RAP1GDS1: variants seen among roughly 807,000 people sequenced by gnomAD.
RAP1GDS1 encodes Rap1 GTPase-GDP dissociation stimulator 1.
RAP1GDS1 carries 35 observed loss-of-function variants against 71.1 expected under a neutral mutation model. That is an observed-to-expected ratio of 0.49 (90% CI 0.38 to 0.65). The LOEUF is 0.65. RAP1GDS1 is among the 30% of genes least tolerant of loss of function. The pLI is 0.00. For synonymous variants in RAP1GDS1, 229 were observed against 243.1 expected (o/e 0.94, Z 0.54); for missense variants, 663 against 706.1 (o/e 0.94, Z 0.69).
intron 2 of RAP1GDS1, among the ~76,000 whole-genome samples, chr4:98,298,689 C>T (rs12501974): frequency 0.066 from 10,061 of 152,174 alleles, 373 homozygotes; most frequent in Admixed American, 0.13. Flanking sequence ...AGAGCTCTGA[C>T]GTACATGGAG....
intron 2 of RAP1GDS1, among the ~76,000 whole-genome samples, chr4:98,303,935 T>C (rs541741222): frequency 3.3e-5 from 5 of 152,280 alleles, no homozygotes; most frequent in East Asian, 1.9e-4. Flanking sequence ...CTCCCACTTA[T>C]AAGTAAGAAC....
chr4:98,349,453 CTT>C (rs1198251015), intron 3 of RAP1GDS1, among the ~76,000 whole-genome samples: 2 of 152,070 alleles, frequency 1.3e-5, no homozygotes, highest in African/African-American at 4.8e-5. Flanking sequence ...AATGTGGGCT[CTT>C]TTTTGGTTCC....
chr4:98,335,348 G>A (rs1200847990), intron 2 of RAP1GDS1, among the ~76,000 whole-genome samples: 1 of 152,112 alleles, frequency 6.6e-6, no homozygotes, highest in Non-Finnish European at 1.5e-5. Context: ...CCTCACTGAG[G>A]TTGTAAGTTT....
chr4:98,343,913 TAAG>T (rs1735867387), intron 3 of RAP1GDS1, among the ~76,000 whole-genome samples: 1 of 152,210 alleles, frequency 6.6e-6, no homozygotes, highest in Admixed American at 6.5e-5. Context: ...TTTAAGCATA[TAAG>T]AAGGCCGTAC....
At chr4:98,347,400 G>A (rs1374367472) in intron 3 of RAP1GDS1, among the ~76,000 whole-genome samples, 2 of 152,060 alleles carry the variant, frequency 1.3e-5, no homozygotes, top group Admixed American at 6.6e-5. Flanking sequence ...TACAGTCAAA[G>A]GGAAAAACAT....
chr4:98,409,344 A>G (rs1319060249), intron 7 of RAP1GDS1: 1 of 152,874 alleles, frequency 6.5e-6, no homozygotes, highest in Non-Finnish European at 1.5e-5. Flanking sequence ...TAGGCCTTTT[A>G]GAAAATACGG....
chr4:98,415,177 A>G (rs947430975), intron 7 of RAP1GDS1, among the ~76,000 whole-genome samples: 4 of 152,174 alleles, frequency 2.6e-5, no homozygotes, highest in African/African-American at 9.7e-5. Context: ...ATATGGCTCT[A>G]TTCTGCCTGA....
chr4:98,352,369 C>T lies in RAP1GDS1; in HGVS notation c.236-107C>T, dbSNP rs1213586327. On this transcript the variant is annotated intron_variant, in intron 3 of 14. Coordinates refer to ENST00000408927, the MANE Select transcript of RAP1GDS1 (RefSeq NM_001100427.2). ...ATATTCAGCCACCTTTTCAAGGTGGCTTTTAAATACCACATATTAAAAGTA... is the reference window on the plus strand; with the variant it reads ...ATATTCAGCCACCTTTTCAAGGTGGTTTTTAAATACCACATATTAAAAGTA... 5 of 1,248,222 alleles carry T rather than the reference C, an allele frequency of 4.0e-6. No individual in the cohort carries two copies. In the African/African-American group the frequency reaches 6.1e-5, roughly 15 times the overall value. The allele number at this position is 1,248,222 out of a possible 1,614,324, so 77.3% of individuals were successfully genotyped here. A position where few individuals can be genotyped will look rare whatever the true frequency, so the allele number is the denominator to read the frequency against.
chr4:98,340,869 T>C (rs1156376639), intron 2 of RAP1GDS1, among the ~76,000 whole-genome samples: 1 of 152,024 alleles, frequency 6.6e-6, no homozygotes, highest in Non-Finnish European at 1.5e-5. Context: ...TGGGACCTAC[T>C]TGAGGAGGGA....
intron 2 of RAP1GDS1, among the ~76,000 whole-genome samples, chr4:98,303,045 C>T (rs1352970075): frequency 7.1e-6 from 1 of 141,200 alleles, no homozygotes; most frequent in African/African-American, 2.6e-5. Context: ...GACTCAGTCT[C>T]AAATAAAAAA....
At chr4:98,338,228 C>T (rs1734977661) in intron 2 of RAP1GDS1, among the ~76,000 whole-genome samples, 1 of 152,146 alleles carries the variant, frequency 6.6e-6, no homozygotes, top group Non-Finnish European at 1.5e-5. Context: ...TCTAGGGCTT[C>T]TGGCTTAAAT....
chr4:98,275,183 A>T (rs1309630695), intron 1 of RAP1GDS1, among the ~76,000 whole-genome samples: 2 of 152,162 alleles, frequency 1.3e-5, no homozygotes, highest in Admixed American at 1.3e-4. Flanking sequence ...GTATAGTACA[A>T]TGGTTTGCCA....
At chr4:98,399,228 A>G (rs1432098900) in intron 6 of RAP1GDS1, among the ~76,000 whole-genome samples, 1 of 152,240 alleles carries the variant, frequency 6.6e-6, no homozygotes, top group Non-Finnish European at 1.5e-5. Flanking sequence ...GGATCATATC[A>G]AATGAAAAAG....
chr4:98,331,163 G>A (rs1310356416), intron 2 of RAP1GDS1, among the ~76,000 whole-genome samples: 1 of 152,232 alleles, frequency 6.6e-6, no homozygotes, highest in Non-Finnish European at 1.5e-5. Flanking sequence ...AGGCGTGGCG[G>A]CATGTGCCTG....
rs936517948 is a variant in RAP1GDS1 at position 98,389,310 on chromosome 4, T to TC, written c.509-2642_509-2641insC. Reference sequence around the variant, plus strand: ...GTTTCTGTAAAAGTGTGTTTTTTTTTTCTCTCTCTCTCCTCCTCTGGACCT... The same window carrying TC: ...GTTTCTGTAAAAGTGTGTTTTTTTTTCTCTCTCTCTCTCCTCCTCTGGACCT... On this transcript the variant is annotated intron_variant, in intron 5 of 14. Coordinates refer to ENST00000408927, the MANE Select transcript of RAP1GDS1 (RefSeq NM_001100427.2). Among the ~76,000 whole-genome samples the TC allele has an allele frequency of 9.0e-5, 13 of 144,742 alleles. No homozygotes were observed. In the South Asian group the frequency reaches 1.5e-3, roughly 17 times the overall value. The allele number at this position is 144,742 out of a possible 152,430, so 95.0% of individuals were successfully genotyped here. A position where few individuals can be genotyped will look rare whatever the true frequency, so the allele number is the denominator to read the frequency against.
chr4:98,285,293 G>T (rs1043906580), intron 1 of RAP1GDS1, among the ~76,000 whole-genome samples: 2 of 152,018 alleles, frequency 1.3e-5, no homozygotes, highest in Non-Finnish European at 2.9e-5. Context: ...TTCTTTACTT[G>T]TTCTTTATTC....
intron 2 of RAP1GDS1, among the ~76,000 whole-genome samples, chr4:98,308,805 A>G (rs886682840): frequency 6.6e-6 from 1 of 152,152 alleles, no homozygotes; most frequent in Non-Finnish European, 1.5e-5. Context: ...ATGAATGTGT[A>G]TATCTTAGAA....
Position 98,295,689 on chromosome 4 carries a change from T to G in RAP1GDS1, c.112+2174T>G, listed in dbSNP as rs1393510440. Among the ~76,000 whole-genome samples the G allele has an allele frequency of 2.6e-5, 4 of 152,264 alleles. 1 individual carries two copies. In the South Asian group the frequency reaches 8.3e-4, roughly 32 times the overall value. On this transcript the variant is annotated intron_variant, in intron 2 of 14. Coordinates refer to ENST00000408927, the MANE Select transcript of RAP1GDS1 (RefSeq NM_001100427.2). ...ATCTGAATAAAGTGAAGCTTTTTGC[T>G]GAGTTCATGTAATGTGAAATCATTC...
intron 4 of RAP1GDS1, among the ~76,000 whole-genome samples, chr4:98,363,217 G>GT (rs1739001694): frequency 6.6e-6 from 1 of 152,030 alleles, no homozygotes; most frequent in Non-Finnish European, 1.5e-5. Context: ...GCTAAGTGTG[G>GT]TGGCTCACAT....
Sources: allele counts gnomAD v4.1 joint callset (sites outside exome capture counted in the v4.1 genomes callset), GRCh38; gene constraint gnomAD v4.1.1; transcripts MANE v1.5; gene names NCBI Gene and HGNC (gene_info 2026-07-23, HGNC 2026-07-21).